LYG1: variants seen among roughly 807,000 people sequenced by gnomAD.
The protein encoded by LYG1 is lysozyme g-like protein 1.
A neutral mutation model predicts 21.7 loss-of-function variants in LYG1; 17 were observed. That is an observed-to-expected ratio of 0.78 (90% CI 0.54 to 1.18). The LOEUF (loss-of-function observed/expected upper bound fraction) is 1.18, where lower values mean the gene tolerates loss of function less well. Ranked by LOEUF, LYG1 falls within the 50% of genes most tolerant of loss-of-function variation. The pLI, the probability that LYG1 is intolerant of heterozygous loss-of-function variation, is 0.00. For missense variants in LYG1, 211 were observed against 238.1 expected (o/e 0.89, Z 0.75); for synonymous variants, 81 against 87.4 (o/e 0.93, Z 0.41).
At chr2:99,300,497 C>A (rs71413823) in intron 1 of LYG1, among the ~76,000 whole-genome samples, 1 of 152,112 alleles carries the variant, frequency 6.6e-6, no homozygotes, top group Non-Finnish European at 1.5e-5. Flanking sequence ...ACTCTAGAGG[C>A]GTATCTGTCT....
At chr2:99,297,429 C>T (rs1247539103) in intron 2 of LYG1, among the ~76,000 whole-genome samples, 1 of 152,180 alleles carries the variant, frequency 6.6e-6, no homozygotes, top group Non-Finnish European at 1.5e-5. Context: ...AAATGCTCCA[C>T]CCAGGGTATT....
chr2:99,287,241 T>C (rs767230538), intron 5 of LYG1, among the ~76,000 whole-genome samples: 2 of 152,222 alleles, frequency 1.3e-5, no homozygotes, highest in Admixed American at 6.5e-5. Context: ...TACACATCTG[T>C]AGCCAGCATT....
rs1412470345 is a variant in LYG1 at position 99,301,038 on chromosome 2, C to CT, written c.-124+11dup. 4 of 129,312 alleles carry CT rather than the reference C, an allele frequency of 3.1e-5. No homozygotes were observed. The highest frequency in any genetic ancestry group is 2.6e-4 in the Admixed American group (3 of 11,692). The allele number at this position is 129,312 out of a possible 1,614,324, so 8.0% of individuals were successfully genotyped here. ...CCCGAGTGTAAGATCCATGCCTCTGCTTCACACTCACCTGTCTTCAGTCAG... is the reference window on the plus strand; with the variant it reads ...CCCGAGTGTAAGATCCATGCCTCTGCTTTCACACTCACCTGTCTTCAGTCAG... On this transcript the variant is annotated intron_variant, in intron 1 of 6. Coordinates refer to ENST00000308528, the MANE Select transcript of LYG1 (RefSeq NM_174898.3).
chr2:99,304,586 G>A (rs1166907149), upstream of LYG1: 1 of 152,304 alleles, frequency 6.6e-6, no homozygotes, highest in Non-Finnish European at 1.5e-5. Flanking sequence ...GAGGACATAA[G>A]TGCCTGGGAG....
intron 3 of LYG1, among the ~76,000 whole-genome samples, chr2:99,294,297 T>C (rs780252108): frequency 6.6e-6 from 1 of 152,242 alleles, no homozygotes; most frequent in Non-Finnish European, 1.5e-5. Context: ...TCTTTGGAGA[T>C]ATATCTATTG....
At chr2:99,304,334 CTT>C (rs1012514831), upstream of LYG1, among the ~76,000 whole-genome samples, 7 of 152,206 alleles carry the variant, frequency 4.6e-5, no homozygotes, top group African/African-American at 9.7e-5. Flanking sequence ...TCACTCTTCT[CTT>C]GTCTGCTGCC....
rs1437603682 is a variant in LYG1 at position 99,298,526 on chromosome 2, G to T, written c.-100C>A. The T allele has an allele frequency of 6.6e-6, 1 of 152,228 alleles. No homozygotes were observed. Among genetic ancestry groups the T allele is most frequent in the Admixed American group, 6.5e-5 (1 of 15,280 alleles). 9.4% of individuals were successfully genotyped at this position (152,228 alleles called of 1,614,324 possible). On this transcript the variant is annotated 5_prime_UTR_variant, in exon 2 of 7. Transcript: ENST00000308528. ...AAGTTTGTAAGGCATAATGGACCAT[G>T]TCTTCTTCAGTTCATCAATTTTTCT...
chr2:99,297,223 G>A (rs540032487), intron 2 of LYG1, among the ~76,000 whole-genome samples: 31 of 152,254 alleles, frequency 2.0e-4, no homozygotes, highest in African/African-American at 6.3e-4. Context: ...CTGCAGGAAC[G>A]CTCAGATTTA....
chr2:99,298,578 G>A (rs894631127), intron 1 of LYG1, 29 bp from the exon 2 acceptor site: 3 of 152,172 alleles, frequency 2.0e-5, no homozygotes, highest in Non-Finnish European at 4.4e-5. Flanking sequence ...GGTATCTTTG[G>A]TCTTATGGTT....
intron 1 of LYG1, among the ~76,000 whole-genome samples, chr2:99,299,395 C>T (rs1463605020): frequency 6.7e-6 from 1 of 150,228 alleles, no homozygotes; most frequent in Non-Finnish European, 1.5e-5. Flanking sequence ...AAGAATGTCT[C>T]ATTAGATTAC....
intron 5 of LYG1, among the ~76,000 whole-genome samples, chr2:99,287,902 C>T (rs758980947): frequency 2.6e-4 from 39 of 152,044 alleles, no homozygotes; most frequent in Non-Finnish European, 3.2e-4. Context: ...CTAATGGATA[C>T]GTAAATAATT....
At chr2:99,302,192 A>C (rs2094156648), upstream of LYG1, among the ~76,000 whole-genome samples, 2 of 152,230 alleles carry the variant, frequency 1.3e-5, no homozygotes, top group Non-Finnish European at 2.9e-5. Flanking sequence ...TTAGACACTC[A>C]GTAAAACACG....
upstream of LYG1, chr2:99,301,204 T>A (rs1254504319): frequency 1.3e-5 from 2 of 152,270 alleles, no homozygotes; most frequent in South Asian, 4.1e-4. Flanking sequence ...TTATAAATAC[T>A]CCGAACTTAT....
upstream of LYG1, among the ~76,000 whole-genome samples, chr2:99,302,014 C>A (rs2094156016): frequency 3.3e-5 from 5 of 152,224 alleles, no homozygotes; most frequent in Admixed American, 3.3e-4. Context: ...CCTCACCACA[C>A]CCTGTGCCCC....
chr2:99,301,447 A>C (rs1167476111), upstream of LYG1, among the ~76,000 whole-genome samples: 21 of 136,034 alleles, frequency 1.5e-4, no homozygotes, highest in African/African-American at 5.6e-4. Context: ...GAGAAGGGGA[A>C]GGGAGGAAGG....
At chr2:99,287,362 C>T (rs2094103267) in intron 5 of LYG1, among the ~76,000 whole-genome samples, 1 of 152,136 alleles carries the variant, frequency 6.6e-6, no homozygotes, top group Non-Finnish European at 1.5e-5. Flanking sequence ...ACAACACGCA[C>T]TGGGGCCTAT....
chr2:99,303,143 G>A (rs146651724), upstream of LYG1, among the ~76,000 whole-genome samples: 46 of 152,228 alleles, frequency 3.0e-4, no homozygotes, highest in Non-Finnish European at 6.2e-4. Flanking sequence ...TTAACTCTGG[G>A]AGGGGAGTGT....
intron 2 of LYG1, among the ~76,000 whole-genome samples, chr2:99,297,888 A>G (rs1442311023): frequency 6.6e-6 from 1 of 151,976 alleles, no homozygotes; most frequent in Non-Finnish European, 1.5e-5. Context: ...ATAATTTTTT[A>G]GTTTTTATGT....
intron 4 of LYG1, among the ~76,000 whole-genome samples, chr2:99,292,193 G>A (rs1447032406): frequency 1.3e-5 from 2 of 152,170 alleles, no homozygotes. Flanking sequence ...GCTGAGGCAG[G>A]AGAATCGCTT....
Sources: allele counts gnomAD v4.1 joint callset (sites outside exome capture counted in the v4.1 genomes callset), GRCh38; gene constraint gnomAD v4.1.1; transcripts MANE v1.5; gene names NCBI Gene and HGNC (gene_info 2026-07-23, HGNC 2026-07-21).